Variants in ARHGAP32 observed in about 807,000 individuals in gnomAD.
The protein encoded by ARHGAP32 is Rho GTPase activating protein 32.
ARHGAP32 carries 51 observed loss-of-function variants against 186.5 expected under a neutral mutation model. The observed-to-expected ratio is 0.27, with a 90% confidence interval of 0.22 to 0.35. The LOEUF is 0.35. ARHGAP32 is among the 10% of genes least tolerant of loss of function. The probability of loss-of-function intolerance (pLI) is 1.00; values close to 1 mark genes in which losing one functional copy is unlikely to be tolerated. For synonymous variants in ARHGAP32, 950 were observed against 964.3 expected (o/e 0.99, Z 0.27); for missense variants, 2,186 against 2,623.5 (o/e 0.83, Z 3.64).
chr11:129,027,194 G>C (rs889074652), intron 11 of ARHGAP32, among the ~76,000 whole-genome samples: 2 of 151,758 alleles, frequency 1.3e-5, no homozygotes, highest in African/African-American at 4.8e-5. Context: ...TCCAGAAGCA[G>C]ATCACTTCTC....
chr11:129,278,078 G>C (rs1945555067), intron 1 of ARHGAP32, among the ~76,000 whole-genome samples: 1 of 152,140 alleles, frequency 6.6e-6, no homozygotes, highest in Non-Finnish European at 1.5e-5. Context: ...TCTTCCAATA[G>C]AAATACAAAC....
At chr11:129,165,438 A>C (rs991751244) in intron 1 of ARHGAP32, among the ~76,000 whole-genome samples, 11 of 151,748 alleles carry the variant, frequency 7.2e-5, no homozygotes, top group African/African-American at 2.7e-4. Flanking sequence ...CAATAGAAAA[A>C]TTCTAACAAA....
intron 11 of ARHGAP32, among the ~76,000 whole-genome samples, chr11:129,008,309 C>G (rs1439855534): frequency 1.3e-5 from 2 of 151,992 alleles, no homozygotes. Context: ...TTCCTTTGCC[C>G]CTCCCCTATT....
chr11:128,998,508 G>A, intron 11 of ARHGAP32, 40 bp from the exon 12 acceptor site: 2 of 1,463,240 alleles, frequency 1.4e-6, no homozygotes, highest in Non-Finnish European at 9.1e-7. Flanking sequence ...GTTGTGGCAA[G>A]AGGTTACATT....
intron 11 of ARHGAP32, among the ~76,000 whole-genome samples, chr11:129,040,576 T>A (rs1004689412): frequency 6.6e-6 from 1 of 152,220 alleles, no homozygotes; most frequent in Non-Finnish European, 1.5e-5. Context: ...TACTTACTTT[T>A]CATTTATTAA....
At chr11:129,074,188 T>G (rs956379812) in intron 6 of ARHGAP32, among the ~76,000 whole-genome samples, 1 of 152,192 alleles carries the variant, frequency 6.6e-6, no homozygotes, top group Non-Finnish European at 1.5e-5. Context: ...AAAATACAAC[T>G]TTGGTTCCTT....
chr11:129,047,475 A>G (rs1036220561), intron 10 of ARHGAP32, among the ~76,000 whole-genome samples: 1 of 152,112 alleles, frequency 6.6e-6, no homozygotes, highest in Non-Finnish European at 1.5e-5. Flanking sequence ...TTGCTACCCA[A>G]TATGGACCCT....
intron 11 of ARHGAP32, among the ~76,000 whole-genome samples, chr11:129,028,410 A>G (rs950788400): frequency 6.6e-5 from 10 of 152,214 alleles, no homozygotes; most frequent in African/African-American, 9.6e-5. Flanking sequence ...AAATGGGGGG[A>G]AAAAATGGCT....
chr11:129,131,552 C>T (rs555280303), intron 2 of ARHGAP32, among the ~76,000 whole-genome samples: 2 of 151,856 alleles, frequency 1.3e-5, no homozygotes, highest in Non-Finnish European at 2.9e-5. Context: ...GCAAAGTCTC[C>T]AATAAAAAAC....
At chr11:129,129,268 C>T (rs1035827369) in intron 2 of ARHGAP32, among the ~76,000 whole-genome samples, 4 of 142,490 alleles carry the variant, frequency 2.8e-5, no homozygotes, top group African/African-American at 7.6e-5. Flanking sequence ...CCCCTCCACC[C>T]GGCAGCTGCC....
At chr11:129,034,887 G>A (rs1017587529) in intron 11 of ARHGAP32, among the ~76,000 whole-genome samples, 2 of 150,616 alleles carry the variant, frequency 1.3e-5, no homozygotes. Flanking sequence ...TCTGAGATCT[G>A]TGAGACAATA....
chr11:129,208,376 G>A (rs2511817), intron 1 of ARHGAP32, among the ~76,000 whole-genome samples: 19,622 of 152,100 alleles, frequency 0.13, 1,396 homozygotes, highest in Non-Finnish European at 0.16. Context: ...ACCTTGCTGA[G>A]CCTGGGCGTC....
intron 1 of ARHGAP32, among the ~76,000 whole-genome samples, chr11:129,271,622 A>C (rs1410679381): frequency 6.6e-6 from 1 of 152,212 alleles, no homozygotes; most frequent in South Asian, 2.1e-4. Flanking sequence ...TTTGAGCCTC[A>C]TCGGCATATA....
Position 129,124,008 on chromosome 11 carries a change from G to C in ARHGAP32, c.318-79C>G, listed in dbSNP as rs962990196. The C allele has an allele frequency of 1.0e-5, 11 of 1,050,152 alleles. No homozygotes were observed. The African/African-American group carries it at 1.8e-4, about 18-fold the overall frequency. The allele number at this position is 1,050,152 out of a possible 1,614,324, so 65.1% of individuals were successfully genotyped here. A position where few individuals can be genotyped will look rare whatever the true frequency, so the allele number is the denominator to read the frequency against. ...GCATAACTATCTAACTCTACTAAGT[G>C]AAAAGATGGTTTTCCTCTTTAAAAC... On this transcript the variant is annotated intron_variant, in intron 3 of 22. Coordinates refer to ENST00000682385, the MANE Select transcript of ARHGAP32 (RefSeq NM_001378024.1).
chr11:129,019,418 T>A (rs1938498772), intron 11 of ARHGAP32, among the ~76,000 whole-genome samples: 1 of 152,168 alleles, frequency 6.6e-6, no homozygotes, highest in African/African-American at 2.4e-5. Context: ...TTCAAAATAA[T>A]TCACATTCAA....
intron 2 of ARHGAP32, among the ~76,000 whole-genome samples, chr11:129,158,172 G>A (rs1020889743): frequency 6.6e-5 from 10 of 151,866 alleles, no homozygotes; most frequent in African/African-American, 1.7e-4. Context: ...ATCAACTAAC[G>A]GGCAAAATAA....
At chr11:129,054,637 CAT>C (rs1290105583) in intron 10 of ARHGAP32, among the ~76,000 whole-genome samples, 2 of 152,054 alleles carry the variant, frequency 1.3e-5, no homozygotes, top group South Asian at 4.1e-4. Flanking sequence ...TTCTAACAAT[CAT>C]TTACAGACAA....
At chr11:129,170,342 C>CA (rs1270481057) in intron 1 of ARHGAP32, among the ~76,000 whole-genome samples, 3 of 152,090 alleles carry the variant, frequency 2.0e-5, no homozygotes, top group Admixed American at 6.6e-5. Context: ...CCCTCCACCC[C>CA]ACAACTGGCC....
At chr11:129,136,880 C>T (rs974762436) in intron 2 of ARHGAP32, among the ~76,000 whole-genome samples, 1 of 151,920 alleles carries the variant, frequency 6.6e-6, no homozygotes, top group Non-Finnish European at 1.5e-5. Context: ...TTGTATCTTA[C>T]CAAACTAACA....
Sources: allele counts gnomAD v4.1 joint callset (sites outside exome capture counted in the v4.1 genomes callset), GRCh38; gene constraint gnomAD v4.1.1; transcripts MANE v1.5; gene names NCBI Gene and HGNC (gene_info 2026-07-23, HGNC 2026-07-21).